The following RAD23B variants were observed in gnomAD, a reference collection of about 807,000 sequenced individuals.
RAD23B encodes lysine-specific demethylase RAD23B.
RAD23B carries 5 observed loss-of-function variants against 49.1 expected under a neutral mutation model. That is an observed-to-expected ratio of 0.10 (90% CI 0.05 to 0.21). The LOEUF is 0.21. RAD23B is among the 10% of genes least tolerant of loss of function. RAD23B has a pLI of 1.00. For missense variants in RAD23B, 356 were observed against 486.7 expected, an observed-to-expected ratio of 0.73 and a Z score of 2.53; for synonymous variants, 184 against 165.4, an observed-to-expected ratio of 1.11 and a Z score of -0.86.
chr9:107,301,375 G>A (rs1826649005), intron 2 of RAD23B, among the ~76,000 whole-genome samples: 2 of 152,058 alleles, frequency 1.3e-5, no homozygotes, highest in Admixed American at 6.6e-5. Flanking sequence ...CTGTGCAATC[G>A]GAGTATTGAA....
At chr9:107,322,585 CTT>C (rs1827131651) in intron 7 of RAD23B, among the ~76,000 whole-genome samples, 1 of 152,204 alleles carries the variant, frequency 6.6e-6, no homozygotes, top group Non-Finnish European at 1.5e-5. Context: ...ATTGAAGTCT[CTT>C]TACTGGGGTG....
At chr9:107,311,124 C>G (rs886976452) in intron 4 of RAD23B, among the ~76,000 whole-genome samples, 1 of 152,182 alleles carries the variant, frequency 6.6e-6, no homozygotes, top group South Asian at 2.1e-4. Flanking sequence ...TCTCTTTAAA[C>G]TGATTTTCAT....
chr9:107,283,621 G>C lies in RAD23B; in HGVS notation c.-9G>C. 6.8e-7 allele frequency: 1 copy of C among 1,476,124 alleles called. No individual in the cohort carries two copies. Among genetic ancestry groups the C allele is most frequent in the Non-Finnish European group, 9.0e-7 (1 of 1,111,260 alleles). The allele number at this position is 1,476,124 out of a possible 1,614,324, so 91.4% of individuals were successfully genotyped here. ...CGCAGGCCCGGCAGCCGAGCTGCGC[G>C]GCGGCACCATGCAGGTCACCCTGAA... On this transcript the variant is annotated 5_prime_UTR_variant, in exon 1 of 10. Transcript: ENST00000358015.
intron 7 of RAD23B, 133 bp downstream of exon 7, chr9:107,322,251 A>C (rs1827125481): frequency 1.8e-6 from 2 of 1,136,284 alleles, no homozygotes; most frequent in South Asian, 2.2e-5. Context: ...TCTCTTCACT[A>C]ATGTTTGAGA....
At chr9:107,288,510 A>G (rs1833320416) in intron 1 of RAD23B, among the ~76,000 whole-genome samples, 4 of 152,322 alleles carry the variant, frequency 2.6e-5, no homozygotes, top group Admixed American at 2.6e-4. Context: ...CAGTGGCGCC[A>G]TCTTGGCTCA....
chr9:107,329,033 A>T (rs1037956336), intron 9 of RAD23B, among the ~76,000 whole-genome samples: 3 of 152,138 alleles, frequency 2.0e-5, no homozygotes, highest in African/African-American at 7.2e-5. Context: ...AAGCAAGGAG[A>T]TTGAGAGTGA....
intron 8 of RAD23B, 103 bp downstream of exon 8, chr9:107,324,120 G>T: frequency 8.0e-7 from 1 of 1,253,564 alleles, no homozygotes; most frequent in Admixed American, 2.1e-5. Flanking sequence ...CTGTATTTGA[G>T]AATGTGAATG....
At chr9:107,286,589 T>G (rs1480963926) in intron 1 of RAD23B, among the ~76,000 whole-genome samples, 1 of 152,210 alleles carries the variant, frequency 6.6e-6, no homozygotes, top group Non-Finnish European at 1.5e-5. Context: ...TTATAAAATA[T>G]TCAAACAATA....
At chr9:107,284,500 C>A (rs1189203012) in intron 1 of RAD23B, among the ~76,000 whole-genome samples, 1 of 151,488 alleles carries the variant, frequency 6.6e-6, no homozygotes, top group South Asian at 2.1e-4. Flanking sequence ...AAAAAAAAAA[C>A]AAAAAACAAC....
intron 1 of RAD23B, among the ~76,000 whole-genome samples, chr9:107,284,526 C>T (rs538045291): frequency 6.6e-6 from 1 of 152,268 alleles, no homozygotes; most frequent in South Asian, 2.1e-4. Context: ...TGAATCCTTT[C>T]TGCAGTTAAA....
chr9:107,316,721 C>T (rs1039977238), intron 5 of RAD23B, among the ~76,000 whole-genome samples: 2 of 151,566 alleles, frequency 1.3e-5, no homozygotes, highest in Non-Finnish European at 2.9e-5. Context: ...TCAACAGATA[C>T]TCGGTTTCAG....
At chr9:107,295,087 G>C (rs11573642) in intron 1 of RAD23B, among the ~76,000 whole-genome samples, 2 of 150,618 alleles carry the variant, frequency 1.3e-5, no homozygotes, top group Non-Finnish European at 3.0e-5. Flanking sequence ...AGCGGTGGGT[G>C]GGGGGGGACT....
At chr9:107,300,475 G>T (rs1053496673) in intron 2 of RAD23B, among the ~76,000 whole-genome samples, 1 of 149,354 alleles carries the variant, frequency 6.7e-6, no homozygotes, top group Non-Finnish European at 1.5e-5. Context: ...ACTGGCTTTT[G>T]TTTTTTTAAT....
intron 9 of RAD23B, among the ~76,000 whole-genome samples, chr9:107,327,197 G>T (rs1827223614): frequency 6.6e-6 from 1 of 152,000 alleles, no homozygotes; most frequent in South Asian, 2.1e-4. Flanking sequence ...TGTTGTTAAT[G>T]ACAAAAATAA....
chr9:107,324,164 T>G, intron 8 of RAD23B, 147 bp downstream of exon 8: 1 of 940,434 alleles, frequency 1.1e-6, no homozygotes, highest in Non-Finnish European at 1.5e-6. Context: ...TATTGTAATC[T>G]AGATAGGTGT....
In RAD23B at chr9:107,322,134, C is replaced by A. The variant is rs1827122627; in HGVS notation, c.817+16C>A. On this transcript the variant is annotated intron_variant, in intron 7 of 9. Transcript: ENST00000358015. ...AGTTCTGGAGGTAAAGCGGAATCTT[C>A]TGGATGGGGAGGGAATGGCCCTGAA... 1.3e-6 allele frequency: 2 copies of A among 1,580,166 alleles called. No individual in the cohort carries two copies. The highest frequency in any genetic ancestry group is 8.6e-7 in the Non-Finnish European group (1 of 1,162,256).
At chr9:107,310,129 T>C (rs560380007) in intron 4 of RAD23B, among the ~76,000 whole-genome samples, 123 of 152,152 alleles carry the variant, frequency 8.1e-4, no homozygotes, top group Non-Finnish European at 1.5e-3. Context: ...AATATAAAGG[T>C]ACAGTTTCAG....
intron 1 of RAD23B, among the ~76,000 whole-genome samples, chr9:107,292,286 A>G (rs1340455375): frequency 2.0e-5 from 3 of 152,230 alleles, no homozygotes; most frequent in African/African-American, 7.2e-5. Flanking sequence ...TGTAGTGCAC[A>G]TACTTTGTAC....
At chr9:107,308,482 G>A (rs1183307849) in intron 4 of RAD23B, among the ~76,000 whole-genome samples, 2 of 152,104 alleles carry the variant, frequency 1.3e-5, no homozygotes, top group African/African-American at 4.8e-5. Flanking sequence ...GCCTCCCAAA[G>A]TGCTGGGATT....
Sources: allele counts gnomAD v4.1 joint callset (sites outside exome capture counted in the v4.1 genomes callset), GRCh38; gene constraint gnomAD v4.1.1; transcripts MANE v1.5; gene names NCBI Gene and HGNC (gene_info 2026-07-23, HGNC 2026-07-21).